The following C8A variants were observed in gnomAD, a reference collection of about 807,000 sequenced individuals.
C8A encodes the protein complement component C8 alpha chain.
Under a neutral mutation model 65.3 loss-of-function variants are expected in C8A, and 67 were observed. The ratio of observed to expected loss-of-function variants is 1.03; its 90% CI spans 0.84 to 1.26. The LOEUF (loss-of-function observed/expected upper bound fraction) is 1.26, where lower values mean the gene tolerates loss of function less well. C8A is among the 50% of genes most tolerant of loss of function. C8A has a pLI of 0.00. For synonymous variants in C8A, 290 were observed against 259.4 expected, an observed-to-expected ratio of 1.12 and a Z score of -1.13; for missense variants, 781 against 723.9, an observed-to-expected ratio of 1.08 and a Z score of -0.90.
chr1:56,869,891 A>T (rs977795339), intron 2 of C8A, among the ~76,000 whole-genome samples: 1 of 152,150 alleles, frequency 6.6e-6, no homozygotes, highest in Admixed American at 6.5e-5. Context: ...CCCACCACTC[A>T]GTTAGTGAGG....
intron 6 of C8A, 54 bp from the exon 7 acceptor site, chr1:56,885,873 T>G: frequency 6.2e-7 from 1 of 1,612,290 alleles, no homozygotes; most frequent in Non-Finnish European, 8.5e-7. Flanking sequence ...TTTCTAATGG[T>G]AAAATATATG....
At chr1:56,905,778 C>T (rs1031557850) in intron 7 of C8A, among the ~76,000 whole-genome samples, 1 of 152,212 alleles carries the variant, frequency 6.6e-6, no homozygotes, top group African/African-American at 2.4e-5. Context: ...TTTACAACTT[C>T]CAGATGACTC....
chr1:56,905,820 C>T (rs575929934), intron 7 of C8A, among the ~76,000 whole-genome samples: 2 of 152,320 alleles, frequency 1.3e-5, no homozygotes, highest in African/African-American at 4.8e-5. Context: ...AACTCTGTAG[C>T]ATGGGCAATA....
At chr1:56,879,865 T>G (rs1218620487) in intron 4 of C8A, among the ~76,000 whole-genome samples, 1 of 152,204 alleles carries the variant, frequency 6.6e-6, no homozygotes, top group Non-Finnish European at 1.5e-5. Flanking sequence ...TCCTTTGAAG[T>G]GGGTTTTATT....
chr1:56,871,038 C>T (rs542017530), intron 2 of C8A, among the ~76,000 whole-genome samples: 1 of 152,270 alleles, frequency 6.6e-6, no homozygotes, highest in East Asian at 1.9e-4. Flanking sequence ...TATTTGATAG[C>T]AACCTAGAAA....
rs1050603205 is a variant in C8A at position 56,869,310 on chromosome 1, G to A, written c.171+1608G>A. ...CTGAGTTACTTCACTTACAATAATG[G>A]CCTCCATGTCCATCCAAGTTGCTGC... On this transcript the variant is annotated intron_variant, in intron 2 of 10. Coordinates refer to ENST00000361249, the MANE Select transcript of C8A (RefSeq NM_000562.3). Among the ~76,000 whole-genome samples, 3 of 152,180 alleles carry A rather than the reference G, an allele frequency of 2.0e-5. No homozygotes were observed. In the East Asian group the frequency reaches 5.8e-4, roughly 29 times the overall value.
At chr1:56,890,162 A>G (rs1471403001) in intron 7 of C8A, among the ~76,000 whole-genome samples, 2 of 152,070 alleles carry the variant, frequency 1.3e-5, no homozygotes, top group African/African-American at 2.4e-5. Flanking sequence ...GTTCAGCTGG[A>G]TATTCCTGGC....
At chr1:56,910,189 A>G (rs990098514) in intron 9 of C8A, among the ~76,000 whole-genome samples, 4 of 152,204 alleles carry the variant, frequency 2.6e-5, no homozygotes, top group African/African-American at 9.7e-5. Context: ...GTGCTTATTT[A>G]TAGCAAGTGC....
At chr1:56,905,090 TC>T (rs1422237799) in intron 7 of C8A, among the ~76,000 whole-genome samples, 4 of 152,214 alleles carry the variant, frequency 2.6e-5, no homozygotes, top group African/African-American at 9.7e-5. Context: ...TGCTAAATCT[TC>T]CCCCAATTAG....
intron 7 of C8A, among the ~76,000 whole-genome samples, chr1:56,902,983 G>C (rs918838857): frequency 2.0e-5 from 3 of 152,012 alleles, no homozygotes; most frequent in Non-Finnish European, 4.4e-5. Flanking sequence ...TTGTACCCTG[G>C]TTTCATTACC....
chr1:56,917,783 G>T lies in C8A; in HGVS notation c.*67G>T, dbSNP rs1290971609. 6 of 1,582,708 alleles carry T rather than the reference G, an allele frequency of 3.8e-6. No individual in the cohort carries two copies. The highest frequency in any genetic ancestry group is 1.3e-5 in the African/African-American group (1 of 74,220). ...ACCCCTGCACTGACTATTGGATAAA[G>T]ACTTCTTTCAACTAAGAGAAGATGC... On this transcript the variant is annotated 3_prime_UTR_variant, in exon 11 of 11. Transcript: ENST00000361249.
At chr1:56,872,199 A>C in intron 2 of C8A, among the ~76,000 whole-genome samples, 1 of 152,218 alleles carries the variant, frequency 6.6e-6, no homozygotes, top group Non-Finnish European at 1.5e-5. Context: ...TCCCAACCTC[A>C]TTCTCAATGA....
intron 2 of C8A, among the ~76,000 whole-genome samples, chr1:56,871,261 T>G (rs1273978476): frequency 2.6e-5 from 4 of 152,202 alleles, no homozygotes; most frequent in African/African-American, 4.8e-5. Context: ...GGTCACCCAT[T>G]AAGAACATGA....
chr1:56,908,846 T>C (rs1026238219), intron 9 of C8A, among the ~76,000 whole-genome samples: 1 of 152,234 alleles, frequency 6.6e-6, no homozygotes, highest in African/African-American at 2.4e-5. Context: ...CACTTCTCTC[T>C]ATCCTAGCAC....
chr1:56,909,937 C>T (rs562063319), intron 9 of C8A, among the ~76,000 whole-genome samples: 1 of 152,324 alleles, frequency 6.6e-6, no homozygotes, highest in South Asian at 2.1e-4. Context: ...TCAGTCTCTT[C>T]ACAACTCATG....
chr1:56,879,428 T>C (rs941120920), intron 4 of C8A, among the ~76,000 whole-genome samples: 1 of 152,160 alleles, frequency 6.6e-6, no homozygotes, highest in Non-Finnish European at 1.5e-5. Context: ...CAAATATATA[T>C]AGGCTTTATG....
At chr1:56,899,871 C>T (rs1431248864) in intron 7 of C8A, among the ~76,000 whole-genome samples, 1 of 152,162 alleles carries the variant, frequency 6.6e-6, no homozygotes, top group African/African-American at 2.4e-5. Context: ...TTAAAATCCC[C>T]ATCTTACAGA....
At chr1:56,863,635 G>T (rs1022830687) in intron 1 of C8A, among the ~76,000 whole-genome samples, 12 of 151,880 alleles carry the variant, frequency 7.9e-5, no homozygotes, top group Non-Finnish European at 1.2e-4. Flanking sequence ...CTTCCAATTC[G>T]CCATGTTCCC....
chr1:56,867,609 G>T lies in C8A; in HGVS notation c.78G>T (p.Gln26His). ...PGVTAQEKVN[Q>H]RVRRAATPAA... ...ATGCATGGATCTTCCCTTTCTTTAGGAGAGTAAGACGGGCAGCTACACCCG... is the reference window on the plus strand; with the variant it reads ...ATGCATGGATCTTCCCTTTCTTTAGTAGAGTAAGACGGGCAGCTACACCCG... Residue 26 changes from glutamine (Q) to histidine (H), a missense_variant and splice_region_variant, in exon 2 of 11, where the codon CAG becomes CAT. Transcript: ENST00000361249. 6.2e-7 allele frequency: 1 copy of T among 1,611,942 alleles called. No individual in the cohort carries two copies. Among genetic ancestry groups the T allele is most frequent in the African/African-American group, 1.3e-5 (1 of 74,944 alleles).
Sources: gnomAD v4.1 joint callset for allele counts (sites outside exome capture counted in the v4.1 genomes callset) on GRCh38, gnomAD v4.1.1 for gene constraint, MANE v1.5 for transcripts, NCBI Gene and HGNC (gene_info 2026-07-23, HGNC 2026-07-21) for gene names.